Variants in PIK3CG observed in about 807,000 individuals in gnomAD.
The protein encoded by PIK3CG is phosphatidylinositol-4,5-bisphosphate 3-kinase catalytic subunit gamma, also known as phosphatidylinositol 4,5-bisphosphate 3-kinase catalytic subunit gamma isoform.
PIK3CG carries 55 observed loss-of-function variants against 102.3 expected under a neutral mutation model. That is an observed-to-expected ratio of 0.54 (90% CI 0.43 to 0.67). The LOEUF is 0.67. Ranked by LOEUF, PIK3CG falls within the 30% of genes least tolerant of loss-of-function variation. PIK3CG has a pLI of 0.00. For missense variants in PIK3CG, 1,258 were observed against 1,391.8 expected, an observed-to-expected ratio of 0.90 and a Z score of 1.53; for synonymous variants, 552 against 540.0, an observed-to-expected ratio of 1.02 and a Z score of -0.31.
At position 106,868,359 on chromosome 7, in the gene PIK3CG, C is replaced by T. The variant is rs772923587; in HGVS notation, c.798C>T (p.Ser266=). Residue 266 remains serine (S), a synonymous_variant, in exon 2 of 11, where the codon AGC becomes AGT. Coordinates refer to ENST00000496166, the MANE Select transcript of PIK3CG (RefSeq NM_001282426.2). This position sits in a 1 kb window ranked among gnomAD's most constrained non-coding sequence, Gnocchi z 6.2. The part of the protein sequence containing the change: ...KSLMDIPESQ[S]EQDFVLRVCG... ...TGATGGATATTCCCGAAAGCCAAAG[C>T]GAACAGGATTTTGTGCTGCGCGTCT... 1.5e-5 allele frequency: 24 copies of T among 1,614,098 alleles called. No homozygotes were observed. Among genetic ancestry groups the T allele is most frequent in the Admixed American group, 3.3e-5 (2 of 60,012 alleles).
Position 106,906,502 on chromosome 7 carries a change from A to AAC in PIK3CG, c.*1118_*1119dup, listed in dbSNP as rs1403488304. 3 of 230,326 alleles carry AAC rather than the reference A, an allele frequency of 1.3e-5. No individual in the cohort carries two copies. The highest frequency in any genetic ancestry group is 2.6e-5 in the Non-Finnish European group (3 of 116,414). 14.3% of individuals were successfully genotyped at this position (230,326 alleles called of 1,614,324 possible). ...CTTAAAAATATTCCAAGTTAGGAAG[A>AAC]ACACTACTTGCCTTATCCATTTCCC... On this transcript the variant is annotated 3_prime_UTR_variant, in exon 11 of 11. Transcript: ENST00000496166.
chr7:106,882,273 G>C, intron 7 of PIK3CG, 66 bp downstream of exon 7: 1 of 710,444 alleles, frequency 1.4e-6, no homozygotes, highest in Non-Finnish European at 2.3e-6. Flanking sequence ...AATTCCTTCA[G>C]TGTAGACATT....
In PIK3CG at chr7:106,875,116, C is replaced by T. The variant is rs916672292; in HGVS notation, c.2391+313C>T. On this transcript the variant is annotated intron_variant, in intron 5 of 10. Coordinates refer to ENST00000496166, the MANE Select transcript of PIK3CG (RefSeq NM_001282426.2). ...CTGTAATCCCAGCACTTTGGGAGGCCGAGGCAGGCAGATCACGAGGTCAGG... is the reference window on the plus strand; with the variant it reads ...CTGTAATCCCAGCACTTTGGGAGGCTGAGGCAGGCAGATCACGAGGTCAGG... 2.6e-5 allele frequency among the ~76,000 whole-genome samples: 4 copies of T among 152,064 alleles called. No individual in the cohort carries two copies. In the South Asian group the frequency reaches 6.2e-4, roughly 24 times the overall value.
Position 106,890,082 on chromosome 7 carries a change from G to A in PIK3CG, c.3030+3790G>A, listed in dbSNP as rs183213978. On this transcript the variant is annotated intron_variant, in intron 10 of 10. Coordinates refer to ENST00000496166, the MANE Select transcript of PIK3CG (RefSeq NM_001282426.2). This position sits in a 1 kb window ranked among gnomAD's most constrained non-coding sequence, Gnocchi z 4.2. ...ATGTTATTTTAAATTTCACTGAACA[G>A]TTATAGAATATATATAATAAACAAA... is the stretch of plus-strand genomic sequence containing the variant. 4.5e-3 allele frequency among the ~76,000 whole-genome samples: 683 copies of A among 152,354 alleles called. 6 individuals are homozygous for A. Among genetic ancestry groups the A allele is most frequent in the Middle Eastern group, 0.027 (8 of 294 alleles).
intron 10 of PIK3CG, 148 bp from the exon 11 acceptor site, chr7:106,904,961 A>G: frequency 1.5e-6 from 1 of 689,068 alleles, no homozygotes; most frequent in Non-Finnish European, 2.5e-6. Flanking sequence ...ACAGTTTCTC[A>G]TCAAGTTTTT....
In PIK3CG at chr7:106,880,755, T is replaced by G. The variant is rs1252129498; in HGVS notation, c.2538+1090T>G. The stretch of plus-strand genomic sequence containing the variant: ...ATACAGTGGCACGATCACAGCCCAC[T>G]GCAGCCTCAAACTCCTAGGCTCAAG... On this transcript the variant is annotated intron_variant, in intron 6 of 10. Coordinates refer to ENST00000496166, the MANE Select transcript of PIK3CG (RefSeq NM_001282426.2). The surrounding 1 kb of genome is among the most constrained non-coding windows in gnomAD (Gnocchi z 4.2). Among the ~76,000 whole-genome samples the G allele has an allele frequency of 1.3e-5, 2 of 152,082 alleles. No individual in the cohort carries two copies. Among genetic ancestry groups the G allele is most frequent in the Admixed American group, 6.6e-5 (1 of 15,256 alleles).
In PIK3CG at chr7:106,908,091, T is replaced by C. The variant is rs1399142982; in HGVS notation, c.*2704T>C. Among the ~76,000 whole-genome samples the C allele has an allele frequency of 1.3e-5, 2 of 152,152 alleles. No homozygotes were observed. Among genetic ancestry groups the C allele is most frequent in the South Asian group, 2.1e-4 (1 of 4,830 alleles). ...GTGAAAACACAGATCACAAGTCAGA[T>C]GAATCAGGCCAAAGCAACTTTTATG... is the stretch of plus-strand genomic sequence containing the variant. On this transcript the variant is annotated 3_prime_UTR_variant, in exon 11 of 11. Coordinates refer to ENST00000496166, the MANE Select transcript of PIK3CG (RefSeq NM_001282426.2). This position sits in a 1 kb window ranked among gnomAD's most constrained non-coding sequence, Gnocchi z 4.1.
At position 106,867,119 on chromosome 7, in the gene PIK3CG, C is replaced by A. The variant is rs1161737027; in HGVS notation, c.-12-431C>A. On this transcript the variant is annotated intron_variant, in intron 1 of 10. Transcript: ENST00000496166. The surrounding 1 kb of genome is among the most constrained non-coding windows in gnomAD (Gnocchi z 5.1). ...AGTATGTTTAAGAACAATGTCCATT[C>A]TGAGCCATTATAATGTGTCATGCGC... Among the ~76,000 whole-genome samples the A allele has an allele frequency of 6.6e-6, 1 of 152,204 alleles. No individual in the cohort carries two copies. Among genetic ancestry groups the A allele is most frequent in the Non-Finnish European group, 1.5e-5 (1 of 68,046 alleles).
In PIK3CG at chr7:106,884,351, T is replaced by A; in HGVS notation, c.2872+85T>A. 1 of 877,722 alleles carries A rather than the reference T, an allele frequency of 1.1e-6. No individual in the cohort carries two copies. The highest frequency in any genetic ancestry group is 1.8e-6 in the Non-Finnish European group (1 of 542,200). The allele number at this position is 877,722 out of a possible 1,614,324, so 54.4% of individuals were successfully genotyped here. ...TTACTATTTTAACTCTAATTAACTG[T>A]AAGTGTTCAGTTCAGTGGCATTACA... On this transcript the variant is annotated intron_variant, in intron 9 of 10. Coordinates refer to ENST00000496166, the MANE Select transcript of PIK3CG (RefSeq NM_001282426.2). This position sits in a 1 kb window ranked among gnomAD's most constrained non-coding sequence, Gnocchi z 4.2.
At chr7:106,882,990 A>AC (rs1790988042) in intron 7 of PIK3CG, 43 bp from the exon 8 acceptor site, 5 of 1,591,178 alleles carry the variant, frequency 3.1e-6, no homozygotes, top group Non-Finnish European at 4.3e-6. Flanking sequence ...TGGGCCAGGT[A>AC]CTGGCCCCCA....
chr7:106,882,519 A>C (rs1790970959), intron 7 of PIK3CG: 1 of 209,114 alleles, frequency 4.8e-6, no homozygotes, highest in Non-Finnish European at 9.4e-6. Context: ...CTCACAAAAA[A>C]CATTTAAAAA....
intron 10 of PIK3CG, among the ~76,000 whole-genome samples, chr7:106,900,823 T>C (rs1791529510): frequency 1.3e-5 from 2 of 152,188 alleles, no homozygotes; most frequent in Non-Finnish European, 2.9e-5. Context: ...GGAAGCTTAG[T>C]TTGTCTGGAT....
chr7:106,900,652 C>A (rs551497320), intron 10 of PIK3CG, among the ~76,000 whole-genome samples: 1 of 152,294 alleles, frequency 6.6e-6, no homozygotes, highest in East Asian at 1.9e-4. Flanking sequence ...TTTACAGTGA[C>A]ACTGGTCTGT....
At position 106,892,013 on chromosome 7, in the gene PIK3CG, C is replaced by T. The variant is rs1241876179; in HGVS notation, c.3030+5721C>T. On this transcript the variant is annotated intron_variant, in intron 10 of 10. Coordinates refer to ENST00000496166, the MANE Select transcript of PIK3CG (RefSeq NM_001282426.2). The surrounding 1 kb of genome is among the most constrained non-coding windows in gnomAD (Gnocchi z 5.2). ...GTGGTCTAGCTCTACTCTTGGGTCC[C>T]ACATTGTTTTAACTGCTTCTGTTTC... 1.3e-5 allele frequency among the ~76,000 whole-genome samples: 2 copies of T among 152,006 alleles called. No individual in the cohort carries two copies. Among genetic ancestry groups the T allele is most frequent in the African/African-American group, 2.4e-5 (1 of 41,346 alleles).
rs1295197342 is a variant in PIK3CG, at chr7:106,867,937, A to T, written c.376A>T (p.Lys126Ter). The T allele has an allele frequency of 6.2e-7, 1 of 1,613,234 alleles. No individual in the cohort carries two copies. The highest frequency in any genetic ancestry group is 8.5e-7 in the Non-Finnish European group (1 of 1,179,942). ...VQTLDCLRYWKATHRSPGQIH... is the reference protein window; with the variant it reads ...VQTLDCLRYW ...GACTCTGGACTGCCTGCGCTACTGG[A>T]AGGCCACGCACCGGAGCCCGGGCCA... Residue 126 changes from lysine (K) to a stop codon, truncating the protein, a stop_gained, in exon 2 of 11, where the codon AAG becomes TAG. Coordinates refer to ENST00000496166, the MANE Select transcript of PIK3CG (RefSeq NM_001282426.2). LOFTEE classifies it high-confidence loss of function. The surrounding 1 kb of genome is among the most constrained non-coding windows in gnomAD (Gnocchi z 5.1).
In PIK3CG at chr7:106,877,983, C is replaced by A. The variant is rs1433343366; in HGVS notation, c.2392-1536C>A. ...AGATGAAATAATTTTTAACTATTCA[C>A]CTACATATTTACCATTTTTGGTACT... On this transcript the variant is annotated intron_variant, in intron 5 of 10. Coordinates refer to ENST00000496166, the MANE Select transcript of PIK3CG (RefSeq NM_001282426.2). This position sits in a 1 kb window ranked among gnomAD's most constrained non-coding sequence, Gnocchi z 4.5. Among the ~76,000 whole-genome samples the A allele has an allele frequency of 5.3e-5, 8 of 152,146 alleles. No individual in the cohort carries two copies. Among genetic ancestry groups the A allele is most frequent in the Non-Finnish European group, 8.8e-5 (6 of 68,034 alleles).
At chr7:106,885,696 A>G (rs1259305042) in intron 9 of PIK3CG, among the ~76,000 whole-genome samples, 1 of 152,154 alleles carries the variant, frequency 6.6e-6, no homozygotes, top group African/African-American at 2.4e-5. Flanking sequence ...AGATGAGCTT[A>G]GATACATTCA....
At chr7:106,886,015 CAAACATTGT>C in intron 9 of PIK3CG, 111 bp from the exon 10 acceptor site, 1 of 866,994 alleles carries the variant, frequency 1.2e-6, no homozygotes, top group Non-Finnish European at 1.8e-6. Flanking sequence ...CACAAACTGA[CAAACATTGT>C]AAAAAATGCT....
In PIK3CG at chr7:106,905,863, TA is replaced by T. The variant is rs1189632256; in HGVS notation, c.*477del. 4.1e-6 allele frequency: 1 copy of T among 242,018 alleles called. No individual in the cohort carries two copies. Among genetic ancestry groups the T allele is most frequent in the Admixed American group, 5.2e-5 (1 of 19,190 alleles). 15.0% of individuals were successfully genotyped at this position (242,018 alleles called of 1,614,324 possible). A position where few individuals can be genotyped will look rare whatever the true frequency, so the allele number is the denominator to read the frequency against. On this transcript the variant is annotated 3_prime_UTR_variant, in exon 11 of 11. Transcript: ENST00000496166. This position sits in a 1 kb window ranked among gnomAD's most constrained non-coding sequence, Gnocchi z 5.6. The stretch of plus-strand genomic sequence containing the variant: ...TAAATGATGCTTCCAAACATCTCCT[TA>T]GTGTCTGCAGGTGTTAGTGGTGTGC...
Sources: allele counts gnomAD v4.1 joint callset (sites outside exome capture counted in the v4.1 genomes callset), GRCh38; gene constraint gnomAD v4.1.1; non-coding constraint Gnocchi (gnomAD v3.1); transcripts MANE v1.5; gene names NCBI Gene and HGNC (gene_info 2026-07-23, HGNC 2026-07-21).